The following PCDHGA10 variants were observed in gnomAD, a reference collection of about 807,000 sequenced individuals.
PCDHGA10 encodes the protein protocadherin gamma-A10.
A neutral mutation model predicts 59.5 loss-of-function variants in PCDHGA10; 42 were observed. The observed-to-expected ratio is 0.71, with a 90% CI of 0.55 to 0.91. The LOEUF (loss-of-function observed/expected upper bound fraction) is 0.91. PCDHGA10 is among the 40% of genes least tolerant of loss of function. The pLI, the probability that PCDHGA10 is intolerant of heterozygous loss-of-function variation, is 0.00. For synonymous variants in PCDHGA10, 511 were observed against 517.2 expected, an observed-to-expected ratio of 0.99 and a Z score of 0.16; for missense variants, 1,111 against 1,198.2, an observed-to-expected ratio of 0.93 and a Z score of 1.07.
rs1300601208 is a variant in PCDHGA10 at position 141,499,206 on chromosome 5, AC to A, written c.2495+4344del. On this transcript the variant is annotated intron_variant, in intron 2 of 3. Transcript: ENST00000398610. ...ACCATTTCCCCCTTCTTAGGCTGTA[AC>A]CCAGGCCCTGCCCTGCAGCTGTCCC... Among the ~76,000 whole-genome samples the A allele has an allele frequency of 3.3e-5, 5 of 152,062 alleles. No homozygotes were observed. In the East Asian group the frequency reaches 7.7e-4, roughly 24 times the overall value.
At chr5:141,497,464 T>G (rs1277760390) in intron 2 of PCDHGA10, among the ~76,000 whole-genome samples, 1 of 151,764 alleles carries the variant, frequency 6.6e-6, no homozygotes, top group Non-Finnish European at 1.5e-5. Flanking sequence ...CTTGGAGATA[T>G]GGAGGAGAAG....
In PCDHGA10 at chr5:141,491,169, G is replaced by A. The variant is rs374498014; in HGVS notation, c.2437-3638G>A. The A allele has an allele frequency of 1.2e-6, 2 of 1,614,192 alleles. No homozygotes were observed. Among genetic ancestry groups the A allele is most frequent in the African/African-American group, 1.3e-5 (1 of 75,058 alleles). On this transcript the variant is annotated intron_variant, in intron 1 of 3. Transcript: ENST00000398610. The surrounding 1 kb of genome is among the most constrained non-coding windows in gnomAD (Gnocchi z 6.9). ...TGGAGGATGACTCTGACACCCAGCA[G>A]GTGGTGGTCCTGGTGAGGGACAATG...
intron 1 of PCDHGA10, among the ~76,000 whole-genome samples, chr5:141,466,725 G>A (rs1184472416): frequency 2.6e-5 from 4 of 152,024 alleles, no homozygotes; most frequent in Non-Finnish European, 5.9e-5. Context: ...TTCCATTTTA[G>A]CAGAATTCAT....
At chr5:141,482,840 G>A (rs1343123459) in intron 1 of PCDHGA10, among the ~76,000 whole-genome samples, 2 of 152,212 alleles carry the variant, frequency 1.3e-5, no homozygotes, top group Admixed American at 6.5e-5. Context: ...GGGAGGCCAA[G>A]GTGGGCAGAT....
Position 141,414,991 on chromosome 5 carries a change from G to A in PCDHGA10, c.1816G>A (p.Ala606Thr), listed in dbSNP as rs1162432290. ...VAVDRDSGQN[A>T]WLSYRLLKAS... ...GGTGGACAGAGACTCCGGCCAGAAC[G>A]CCTGGCTGTCCTACCGTCTGCTCAA... Residue 606 changes from alanine to threonine, a missense_variant, in exon 1 of 4, where the codon GCC (alanine) becomes ACC (threonine). By Grantham distance (58) the Ala-to-Thr change is moderately conservative (BLOSUM62 0). Transcript: ENST00000398610. 10 of 1,613,648 alleles carry A rather than the reference G, an allele frequency of 6.2e-6. No homozygotes were observed. The Admixed American group carries it at 1.2e-4, about 19-fold the overall frequency.
At chr5:141,500,822 T>A (rs1377955680) in intron 2 of PCDHGA10, among the ~76,000 whole-genome samples, 1 of 152,240 alleles carries the variant, frequency 6.6e-6, no homozygotes, top group African/African-American at 2.4e-5. Context: ...TACATATTAT[T>A]TTTCTAATGC....
rs2099624499 is a variant in PCDHGA10, at chr5:141,486,100, C to A, written c.2437-8707C>A. The A allele has an allele frequency of 6.2e-7, 1 of 1,614,072 alleles. No homozygotes were observed. The highest frequency in any genetic ancestry group is 1.3e-5 in the African/African-American group (1 of 74,930). ...AGCTTACTCTTTTGGGGCCCCTAGA[C>A]TTTGAGAGTGAGAATTACTATGAAT... On this transcript the variant is annotated intron_variant, in intron 1 of 3. Coordinates refer to ENST00000398610, the MANE Select transcript of PCDHGA10 (RefSeq NM_018913.3). This position sits in a 1 kb window ranked among gnomAD's most constrained non-coding sequence, Gnocchi z 5.0.
At chr5:141,492,218 T>C (rs2099738354) in intron 1 of PCDHGA10, among the ~76,000 whole-genome samples, 1 of 152,114 alleles carries the variant, frequency 6.6e-6, no homozygotes. Flanking sequence ...GCGGGGCTCA[T>C]GCGTGTCCTC....
At chr5:141,478,524 C>T in intron 1 of PCDHGA10, 1 of 1,609,844 alleles carries the variant, frequency 6.2e-7, no homozygotes, top group Non-Finnish European at 8.5e-7. Flanking sequence ...GTGTTGGGTG[C>T]AGAGAGCGCC....
rs2098680935 is a variant in PCDHGA10, at chr5:141,450,471, G to A, written c.2436+34860G>A. 2.0e-5 allele frequency among the ~76,000 whole-genome samples: 3 copies of A among 147,910 alleles called. No homozygotes were observed. In the South Asian group the frequency reaches 6.2e-4, roughly 31 times the overall value. ...GTTTCCTCGTGATTTTATATATAGA[G>A]TTTGTTTGTTTGTTTGTCTGTTTGT... On this transcript the variant is annotated intron_variant, in intron 1 of 3. Transcript: ENST00000398610.
At chr5:141,447,400 A>G (rs904985523) in intron 1 of PCDHGA10, among the ~76,000 whole-genome samples, 1 of 152,090 alleles carries the variant, frequency 6.6e-6, no homozygotes, top group Non-Finnish European at 1.5e-5. Flanking sequence ...GGCCTCCCAA[A>G]GTGCTGGGAT....
At chr5:141,424,772 G>A (rs2096839878) in intron 1 of PCDHGA10, 1 of 152,086 alleles carries the variant, frequency 6.6e-6, no homozygotes, top group Non-Finnish European at 1.5e-5. Flanking sequence ...ATGGCAAATA[G>A]TACATTCAGT....
chr5:141,461,409 A>ATATGTTTGT (rs1491521215), intron 1 of PCDHGA10, among the ~76,000 whole-genome samples: 2 of 151,810 alleles, frequency 1.3e-5, no homozygotes, highest in Non-Finnish European at 2.9e-5. Context: ...GCATTTTTTC[A>ATATGTTTGT]TATGTTTGTG....
chr5:141,422,961 G>A, intron 1 of PCDHGA10: 1 of 1,614,234 alleles, frequency 6.2e-7, no homozygotes, highest in Non-Finnish European at 8.5e-7. Flanking sequence ...GCGTGGAGCT[G>A]GCGCCCCGCT....
At chr5:141,426,834 A>G (rs1561824131) in intron 1 of PCDHGA10, 1 of 456,724 alleles carries the variant, frequency 2.2e-6, no homozygotes, top group South Asian at 1.5e-5. Flanking sequence ...GATGGACAAG[A>G]CTAAAGGCAA....
rs758013542 is a variant in PCDHGA10 at position 141,418,314 on chromosome 5, C to A, written c.2436+2703C>A. 9 of 1,613,988 alleles carry A rather than the reference C, an allele frequency of 5.6e-6. No homozygotes were observed. In the East Asian group the frequency reaches 1.3e-4, roughly 24 times the overall value. On this transcript the variant is annotated intron_variant, in intron 1 of 3. Coordinates refer to ENST00000398610, the MANE Select transcript of PCDHGA10 (RefSeq NM_018913.3). ...GAATCCGTCAGCCTGGGGATGGGAACAATTCTTGAGTCTGCAGAAGATCCT... is the reference window on the plus strand; with the variant it reads ...GAATCCGTCAGCCTGGGGATGGGAAAAATTCTTGAGTCTGCAGAAGATCCT...
chr5:141,481,312 T>C (rs953898526), intron 1 of PCDHGA10, among the ~76,000 whole-genome samples: 1 of 152,200 alleles, frequency 6.6e-6, no homozygotes, highest in Non-Finnish European at 1.5e-5. Flanking sequence ...AAAACCTTCC[T>C]AAAGCACTAG....
rs753372015 is a variant in PCDHGA10 at position 141,422,180 on chromosome 5, T to C, written c.2436+6569T>C. The stretch of plus-strand genomic sequence containing the variant: ...TTTGAAAAATATAGATTCTATGAGA[T>C]GGAAATTCAAGGCCAAGATGGTGGA... On this transcript the variant is annotated intron_variant, in intron 1 of 3. Coordinates refer to ENST00000398610, the MANE Select transcript of PCDHGA10 (RefSeq NM_018913.3). 1.1e-5 allele frequency: 17 copies of C among 1,562,190 alleles called. No homozygotes were observed. In the African/African-American group the frequency reaches 1.9e-4, roughly 18 times the overall value.
rs1299573831 is a variant in PCDHGA10 at position 141,500,662 on chromosome 5, T to A, written c.2496-4731T>A. 5.3e-5 allele frequency among the ~76,000 whole-genome samples: 8 copies of A among 152,352 alleles called. No homozygotes were observed. The East Asian group carries it at 1.5e-3, about 29-fold the overall frequency. ...TTTTTAAAAATAGCAACTGAGGCCA[T>A]ACTGTCCAACAGAATTATAGCTTTT... On this transcript the variant is annotated intron_variant, in intron 2 of 3. Coordinates refer to ENST00000398610, the MANE Select transcript of PCDHGA10 (RefSeq NM_018913.3).
Sources: gnomAD v4.1 joint callset for allele counts (sites outside exome capture counted in the v4.1 genomes callset) on GRCh38, gnomAD v4.1.1 for gene constraint, Gnocchi (gnomAD v3.1) non-coding constraint, MANE v1.5 for transcripts, NCBI Gene and HGNC (gene_info 2026-07-23, HGNC 2026-07-21) for gene names.